UBE2E2: variants seen among roughly 807,000 people sequenced by gnomAD.
UBE2E2 encodes ubiquitin-conjugating enzyme E2 E2.
A neutral mutation model predicts 24.7 loss-of-function variants in UBE2E2; 6 were observed. The ratio of observed to expected loss-of-function variants is 0.24; its 90% CI spans 0.13 to 0.48. The LOEUF is 0.48. UBE2E2 is among the 20% of genes least tolerant of loss of function. The pLI is 0.99. For missense variants in UBE2E2, 169 were observed against 245.0 expected, an observed-to-expected ratio of 0.69 and a Z score of 2.07; for synonymous variants, 104 against 83.6, an observed-to-expected ratio of 1.24 and a Z score of -1.33.
intron 3 of UBE2E2, among the ~76,000 whole-genome samples, chr3:23,446,698 G>GTTT (rs1698436642): frequency 5.6e-4 from 42 of 75,452 alleles, no homozygotes; most frequent in African/African-American, 2.1e-4. Context: ...CCGTCTGTTT[G>GTTT]GTTTTTTTTT....
At chr3:23,423,023 C>T (rs571105000) in intron 3 of UBE2E2, among the ~76,000 whole-genome samples, 9 of 152,278 alleles carry the variant, frequency 5.9e-5, no homozygotes, top group African/African-American at 2.2e-4. Context: ...CTTGGTTTTT[C>T]TGTGTGTCTG....
intron 3 of UBE2E2, among the ~76,000 whole-genome samples, chr3:23,413,483 A>C (rs1313984635): frequency 6.6e-6 from 1 of 152,148 alleles, no homozygotes; most frequent in Non-Finnish European, 1.5e-5. Context: ...CTTTCCCTGC[A>C]GTGCCCCAGC....
chr3:23,348,802 C>T (rs1357684126), intron 3 of UBE2E2, among the ~76,000 whole-genome samples: 1 of 143,208 alleles, frequency 7.0e-6, no homozygotes, highest in Non-Finnish European at 1.5e-5. Flanking sequence ...TAGGGTTTCT[C>T]TGGGTATGGC....
intron 3 of UBE2E2, among the ~76,000 whole-genome samples, chr3:23,433,743 G>T (rs1290686037): frequency 1.3e-5 from 2 of 151,832 alleles, no homozygotes; most frequent in Admixed American, 6.6e-5. Context: ...TTAACAGAAT[G>T]AGAGTAAATG....
At chr3:23,365,650 A>T (rs1182840218) in intron 3 of UBE2E2, among the ~76,000 whole-genome samples, 1 of 152,174 alleles carries the variant, frequency 6.6e-6, no homozygotes. Flanking sequence ...ATGCCCATAG[A>T]TAGGAAGAAT....
chr3:23,420,053 A>G (rs1697757349), intron 3 of UBE2E2, among the ~76,000 whole-genome samples: 1 of 152,228 alleles, frequency 6.6e-6, no homozygotes, highest in Non-Finnish European at 1.5e-5. Flanking sequence ...TTGAATGGAT[A>G]CAGATGCCTA....
At chr3:23,278,950 T>A (rs1029638282) in intron 3 of UBE2E2, among the ~76,000 whole-genome samples, 8 of 150,860 alleles carry the variant, frequency 5.3e-5, no homozygotes, top group Admixed American at 1.3e-4. Flanking sequence ...CAGTTTTTTT[T>A]AATAATTTGA....
At chr3:23,361,873 C>A (rs1023193422) in intron 3 of UBE2E2, among the ~76,000 whole-genome samples, 26 of 152,050 alleles carry the variant, frequency 1.7e-4, no homozygotes, top group African/African-American at 5.6e-4. Flanking sequence ...AGCCATAGAA[C>A]CATTTTTTAG....
At chr3:23,231,572 G>C (rs1287501259) in intron 3 of UBE2E2, among the ~76,000 whole-genome samples, 1 of 152,138 alleles carries the variant, frequency 6.6e-6, no homozygotes, top group Admixed American at 6.5e-5. Flanking sequence ...TCAAGCAATT[G>C]AATCAGTGTC....
At chr3:23,326,819 C>G (rs965216956) in intron 3 of UBE2E2, among the ~76,000 whole-genome samples, 4 of 152,130 alleles carry the variant, frequency 2.6e-5, no homozygotes, top group African/African-American at 7.2e-5. Context: ...GCTGTCCCTC[C>G]CCACTCCCCC....
chr3:23,291,362 CAAT>C (rs1450055179), intron 3 of UBE2E2, among the ~76,000 whole-genome samples: 1 of 152,116 alleles, frequency 6.6e-6, no homozygotes, highest in African/African-American at 2.4e-5. Flanking sequence ...GTAGTGATAA[CAAT>C]AAACTGCTTA....
At chr3:23,509,407 T>C (rs1254739583) in intron 4 of UBE2E2, among the ~76,000 whole-genome samples, 1 of 152,174 alleles carries the variant, frequency 6.6e-6, no homozygotes. Context: ...AAGTATAATA[T>C]TCTCCACTTT....
intron 3 of UBE2E2, among the ~76,000 whole-genome samples, chr3:23,457,265 G>T (rs1342473230): frequency 6.6e-6 from 1 of 152,192 alleles, no homozygotes; most frequent in African/African-American, 2.4e-5. Flanking sequence ...ATCTGCAACT[G>T]ACGCATCTCT....
intron 3 of UBE2E2, among the ~76,000 whole-genome samples, chr3:23,420,521 A>T (rs1297453890): frequency 1.3e-5 from 2 of 152,222 alleles, no homozygotes; most frequent in Non-Finnish European, 2.9e-5. Context: ...ATAGAGAATA[A>T]GGCAGGAATT....
At chr3:23,536,683 C>A (rs1333050948) in intron 5 of UBE2E2, among the ~76,000 whole-genome samples, 1 of 152,074 alleles carries the variant, frequency 6.6e-6, no homozygotes, top group Non-Finnish European at 1.5e-5. Flanking sequence ...AAATAAAATT[C>A]TTTGATATAT....
At chr3:23,334,061 G>A (rs1273002964) in intron 3 of UBE2E2, among the ~76,000 whole-genome samples, 1 of 152,060 alleles carries the variant, frequency 6.6e-6, no homozygotes, top group African/African-American at 2.4e-5. Flanking sequence ...TAGAAAAGAA[G>A]CAGTTTCTAT....
intron 2 of UBE2E2, among the ~76,000 whole-genome samples, chr3:23,211,126 A>C (rs1197044196): frequency 1.3e-5 from 2 of 152,142 alleles, no homozygotes; most frequent in African/African-American, 4.8e-5. Flanking sequence ...GTATTTATTT[A>C]CTGGCTGCCT....
At chr3:23,283,383 T>C (rs573571599) in intron 3 of UBE2E2, among the ~76,000 whole-genome samples, 71 of 152,242 alleles carry the variant, frequency 4.7e-4, no homozygotes, top group African/African-American at 1.5e-3. Context: ...CTCTGTATTG[T>C]GTGAGATCAA....
At chr3:23,295,375 A>G (rs1175042315) in intron 3 of UBE2E2, among the ~76,000 whole-genome samples, 2 of 151,874 alleles carry the variant, frequency 1.3e-5, no homozygotes, top group South Asian at 2.1e-4. Flanking sequence ...CCTTAATGCT[A>G]TGTTTCTCTG....
Sources: allele counts gnomAD v4.1 joint callset (sites outside exome capture counted in the v4.1 genomes callset), GRCh38; gene constraint gnomAD v4.1.1; transcripts MANE v1.5; gene names NCBI Gene and HGNC (gene_info 2026-07-23, HGNC 2026-07-21).